The following CABIN1 variants were observed in gnomAD, a reference collection of about 807,000 sequenced individuals.
CABIN1 encodes calcineurin binding protein 1.
CABIN1 carries 133 observed loss-of-function variants against 227.7 expected under a neutral mutation model. The observed-to-expected ratio is 0.58, with a 90% CI of 0.51 to 0.67. The LOEUF (loss-of-function observed/expected upper bound fraction) is 0.67, where lower values mean the gene tolerates loss of function less well. CABIN1 is among the 30% of genes least tolerant of loss of function. The probability of loss-of-function intolerance (pLI) is 0.00; values close to 1 mark genes in which losing one functional copy is unlikely to be tolerated. For synonymous variants in CABIN1, 1,086 were observed against 1,155.1 expected, an observed-to-expected ratio of 0.94 and a Z score of 1.21; for missense variants, 2,408 against 2,852.5, an observed-to-expected ratio of 0.84 and a Z score of 3.55.
intron 29 of CABIN1, among the ~76,000 whole-genome samples, chr22:24,140,374 G>A (rs904509204): frequency 1.3e-5 from 2 of 152,280 alleles, no homozygotes; most frequent in South Asian, 4.1e-4. Flanking sequence ...TCCACACACC[G>A]TCCTCCCTGA....
intron 5 of CABIN1, 60 bp from the exon 6 acceptor site, chr22:24,042,844 G>C: frequency 1.3e-6 from 1 of 778,146 alleles, no homozygotes; most frequent in East Asian, 2.7e-5. Flanking sequence ...GTGTGTGTGT[G>C]TGTGTGTGTG....
chr22:24,156,917 G>C (rs2045863908), intron 29 of CABIN1, among the ~76,000 whole-genome samples: 1 of 152,188 alleles, frequency 6.6e-6, no homozygotes, highest in Non-Finnish European at 1.5e-5. Context: ...GTCTTATTTG[G>C]CAGGAGAGGC....
chr22:24,171,200 C>T (rs987547116), intron 33 of CABIN1, among the ~76,000 whole-genome samples: 5 of 152,286 alleles, frequency 3.3e-5, no homozygotes, highest in South Asian at 2.1e-4. Flanking sequence ...CACTGGGTGC[C>T]GTGGCAGTAG....
intron 29 of CABIN1, among the ~76,000 whole-genome samples, chr22:24,158,506 A>G (rs77856499): frequency 3.3e-5 from 5 of 152,150 alleles, no homozygotes; most frequent in African/African-American, 1.2e-4. Context: ...GATGTGGGAA[A>G]ATACATGTAC....
chr22:24,091,859 C>T lies in CABIN1; in HGVS notation c.3786+16C>T. 4 of 1,611,470 alleles carry T rather than the reference C, an allele frequency of 2.5e-6. No homozygotes were observed. The highest frequency in any genetic ancestry group is 3.4e-6 in the Non-Finnish European group (4 of 1,178,110). On this transcript the variant is annotated intron_variant, in intron 24 of 36. Transcript: ENST00000263119. ...GGCCCTGGAGGTGACACCATGCTGGCCCAGGGCGGGGAAGCAGGGCAGGGG... is the reference window on the plus strand; with the variant it reads ...GGCCCTGGAGGTGACACCATGCTGGTCCAGGGCGGGGAAGCAGGGCAGGGG...
chr22:24,160,205 T>C (rs1477576074), intron 29 of CABIN1: 2 of 152,206 alleles, frequency 1.3e-5, no homozygotes, highest in East Asian at 3.9e-4. Context: ...TGAATCTCTA[T>C]GTCCCTACTC....
intron 6 of CABIN1, among the ~76,000 whole-genome samples, chr22:24,046,836 G>C (rs570203393): frequency 1.3e-5 from 2 of 152,254 alleles, no homozygotes; most frequent in Non-Finnish European, 1.5e-5. Context: ...TATAGTTTCA[G>C]TCTGTAGGCT....
intron 29 of CABIN1, among the ~76,000 whole-genome samples, chr22:24,150,985 G>T (rs2045449519): frequency 6.6e-6 from 1 of 152,174 alleles, no homozygotes. Context: ...ACTCTGTAGG[G>T]CAAGCATGGG....
chr22:24,069,769 T>G (rs1313394988), intron 16 of CABIN1, among the ~76,000 whole-genome samples: 1 of 152,192 alleles, frequency 6.6e-6, no homozygotes, highest in Non-Finnish European at 1.5e-5. Flanking sequence ...GGGGGGGTTT[T>G]GATCTGTGTT....
At chr22:24,156,862 G>A (rs1468919079) in intron 29 of CABIN1, among the ~76,000 whole-genome samples, 2 of 152,228 alleles carry the variant, frequency 1.3e-5, no homozygotes, top group African/African-American at 2.4e-5. Context: ...CCGGGAGGGG[G>A]AAGGGAGGAA....
intron 29 of CABIN1, among the ~76,000 whole-genome samples, chr22:24,150,735 C>T (rs574090395): frequency 1.3e-5 from 2 of 152,304 alleles, no homozygotes; most frequent in East Asian, 3.9e-4. Context: ...ACTTCTGGCT[C>T]CGCTGGTGGA....
intron 27 of CABIN1, among the ~76,000 whole-genome samples, chr22:24,118,232 A>C (rs767334932): frequency 1.2e-4 from 18 of 152,078 alleles, no homozygotes; most frequent in Non-Finnish European, 2.2e-4. Context: ...GAGGGAGAGC[A>C]GTGGGGTGGG....
rs749398885 is a variant in CABIN1 at position 24,042,992 on chromosome 22, A to C, written c.434A>C (p.His145Pro). The change falls in exon 6 of 37, where the codon CAT becomes CCT. Residue 145 changes from histidine to proline, a missense_variant. Physicochemically the swap from His to Pro is moderately conservative, Grantham distance 77. This residue lies in a region of CABIN1 where 1,045 missense variants were observed against 1,168.4 expected (regional missense o/e 0.89). Coordinates refer to ENST00000263119, the MANE Select transcript of CABIN1 (RefSeq NM_012295.4). Reference protein sequence around the residue: ...LRLIRIPLARHAFEEGLRCNP... With the variant: ...LRLIRIPLARPAFEEGLRCNP... ...CTCATCCGGATCCCCCTGGCTCGCCATGCTTTTGAGGAAGGGCTGCGGTGC... is the reference window on the plus strand; with the variant it reads ...CTCATCCGGATCCCCCTGGCTCGCCCTGCTTTTGAGGAAGGGCTGCGGTGC... 4 of 1,613,928 alleles carry C rather than the reference A, an allele frequency of 2.5e-6. No homozygotes were observed. Among genetic ancestry groups the C allele is most frequent in the Non-Finnish European group, 3.4e-6 (4 of 1,180,004 alleles).
intron 10 of CABIN1, among the ~76,000 whole-genome samples, chr22:24,058,791 C>G (rs1430422879): frequency 6.6e-6 from 1 of 152,228 alleles, no homozygotes; most frequent in Non-Finnish European, 1.5e-5. Context: ...AAGGCTTTCT[C>G]TGACCCTGCT....
Position 24,171,865 on chromosome 22 carries a change from A to C in CABIN1, c.5910A>C (p.Leu1970=), listed in dbSNP as rs112443271. The C allele has an allele frequency of 6.2e-7, 1 of 1,613,920 alleles. No individual in the cohort carries two copies. The highest frequency in any genetic ancestry group is 8.5e-7 in the Non-Finnish European group (1 of 1,180,026). ...CTCACACCAAGCCTCGCCCTGCACT[A>C]GCTGCCGCCACAACTATTATCACCT... is the stretch of plus-strand genomic sequence containing the variant. The part of the protein sequence containing the change: ...SDAHTKPRPA[L]AAATTIITCP... The change falls in exon 34 of 37, where the codon CTA becomes CTC. Residue 1970 remains leucine, a synonymous_variant. Coordinates refer to ENST00000263119, the MANE Select transcript of CABIN1 (RefSeq NM_012295.4).
chr22:24,148,890 A>G (rs955477278), intron 29 of CABIN1, among the ~76,000 whole-genome samples: 2 of 152,146 alleles, frequency 1.3e-5, no homozygotes, highest in East Asian at 3.9e-4. Context: ...AGAGAAGTCA[A>G]CCCTTAGGTC....
At chr22:24,145,635 G>A (rs2045063915) in intron 29 of CABIN1, among the ~76,000 whole-genome samples, 1 of 152,136 alleles carries the variant, frequency 6.6e-6, no homozygotes, top group Non-Finnish European at 1.5e-5. Flanking sequence ...TCTCTGCCTG[G>A]TGTGCCAGGC....
chr22:24,137,204 T>C (rs2044477271), intron 29 of CABIN1, among the ~76,000 whole-genome samples: 1 of 152,202 alleles, frequency 6.6e-6, no homozygotes, highest in African/African-American at 2.4e-5. Context: ...TGCAGTGATA[T>C]TGGAAGGAAG....
chr22:24,069,936 C>G (rs926940913), intron 16 of CABIN1, among the ~76,000 whole-genome samples: 2 of 152,158 alleles, frequency 1.3e-5, no homozygotes, highest in African/African-American at 4.8e-5. Context: ...GGTCACCGGG[C>G]AGCAGGTGCT....
Sources: gnomAD v4.1 joint callset for allele counts (sites outside exome capture counted in the v4.1 genomes callset) on GRCh38, gnomAD v4.1.1 for gene constraint, gnomAD v4.1.1 regional missense constraint, MANE v1.5 for transcripts, NCBI Gene and HGNC (gene_info 2026-07-23, HGNC 2026-07-21) for gene names.